The following GULP1 variants were observed in gnomAD, a reference collection of about 807,000 sequenced individuals.
GULP1 encodes GULP PTB domain containing engulfment adaptor 1, also known as PTB domain-containing engulfment adapter protein 1.
Under a neutral mutation model 40.9 loss-of-function variants are expected in GULP1, and 19 were observed. The ratio of observed to expected loss-of-function variants is 0.46; its 90% CI spans 0.32 to 0.68. GULP1 has a LOEUF of 0.68. Ranked by LOEUF, GULP1 falls within the 30% of genes least tolerant of loss-of-function variation. The pLI is 0.03. For missense variants in GULP1, 312 were observed against 362.2 expected, an observed-to-expected ratio of 0.86 and a Z score of 1.12; for synonymous variants, 119 against 117.6, an observed-to-expected ratio of 1.01 and a Z score of -0.08.
chr2:188,304,518 A>G (rs2036704976), intron 1 of GULP1, among the ~76,000 whole-genome samples: 1 of 152,210 alleles, frequency 6.6e-6, no homozygotes, highest in Admixed American at 6.5e-5. Context: ...GGCAATTGGT[A>G]GGATGGGAAG....
At chr2:188,512,941 C>G (rs148268777) in intron 4 of GULP1, among the ~76,000 whole-genome samples, 1 of 152,160 alleles carries the variant, frequency 6.6e-6, no homozygotes, top group East Asian at 1.9e-4. Flanking sequence ...TTTTAAGAGT[C>G]ACCAAGGTAA....
At chr2:188,577,038 C>T (rs1480158668) in intron 9 of GULP1, among the ~76,000 whole-genome samples, 2 of 152,026 alleles carry the variant, frequency 1.3e-5, no homozygotes, top group Non-Finnish European at 2.9e-5. Flanking sequence ...CAAAATGTTC[C>T]TCTTGATTCT....
chr2:188,436,580 A>G (rs1427610173), intron 2 of GULP1, among the ~76,000 whole-genome samples: 1 of 152,118 alleles, frequency 6.6e-6, no homozygotes. Flanking sequence ...CTAAACTGGC[A>G]AACATGGATC....
chr2:188,395,860 G>A (rs1022954215), intron 2 of GULP1, among the ~76,000 whole-genome samples: 3 of 152,220 alleles, frequency 2.0e-5, no homozygotes, highest in Non-Finnish European at 4.4e-5. Flanking sequence ...GCTCTGGTGG[G>A]GGTAGCAGGG....
At chr2:188,505,362 T>C (rs1431096235) in intron 4 of GULP1, among the ~76,000 whole-genome samples, 1 of 151,808 alleles carries the variant, frequency 6.6e-6, no homozygotes, top group Non-Finnish European at 1.5e-5. Context: ...TATGCCACCT[T>C]TCCTCTCTGT....
intron 4 of GULP1, among the ~76,000 whole-genome samples, chr2:188,496,795 G>C (rs114708606): frequency 6.6e-6 from 1 of 151,988 alleles, no homozygotes; most frequent in East Asian, 1.9e-4. Context: ...ATCATGGGGG[G>C]TGGTTTCTCA....
chr2:188,569,104 A>G lies in GULP1; in HGVS notation c.400-135A>G, dbSNP rs1698471196. ...TACCTTGCTCATTTAATACATCTCT[A>G]CTCCCAACTGTTGCCCTTTTGAAGT... On this transcript the variant is annotated intron_variant, in intron 7 of 11. Coordinates refer to ENST00000409830, the MANE Select transcript of GULP1 (RefSeq NM_016315.4). 4 of 602,518 alleles carry G rather than the reference A, an allele frequency of 6.6e-6. No individual in the cohort carries two copies. In the East Asian group the frequency reaches 8.7e-5, roughly 13 times the overall value. The allele number at this position is 602,518 out of a possible 1,614,324, so 37.3% of individuals were successfully genotyped here. A position where few individuals can be genotyped will look rare whatever the true frequency, so the allele number is the denominator to read the frequency against.
chr2:188,535,910 T>G (rs997015839), intron 6 of GULP1, among the ~76,000 whole-genome samples: 1 of 152,160 alleles, frequency 6.6e-6, no homozygotes, highest in African/African-American at 2.4e-5. Context: ...AGATCATATC[T>G]CTTTGTGGTT....
intron 1 of GULP1, among the ~76,000 whole-genome samples, chr2:188,324,794 A>G (rs2040506372): frequency 6.6e-6 from 1 of 151,948 alleles, no homozygotes; most frequent in Non-Finnish European, 1.5e-5. Context: ...ATAAAGATAA[A>G]TCTAAATATA....
At chr2:188,347,564 T>C (rs2043850964) in intron 1 of GULP1, among the ~76,000 whole-genome samples, 1 of 151,840 alleles carries the variant, frequency 6.6e-6, no homozygotes, top group Non-Finnish European at 1.5e-5. Flanking sequence ...GTCATGCTTT[T>C]AATTAGCACA....
chr2:188,323,441 T>C (rs1252328237), intron 1 of GULP1, among the ~76,000 whole-genome samples: 1 of 151,996 alleles, frequency 6.6e-6, no homozygotes, highest in Non-Finnish European at 1.5e-5. Flanking sequence ...GCATGCACAG[T>C]TGCAGTTGGC....
intron 7 of GULP1, among the ~76,000 whole-genome samples, chr2:188,556,751 C>T (rs891799832): frequency 5.3e-5 from 8 of 152,136 alleles, no homozygotes; most frequent in African/African-American, 1.2e-4. Context: ...TCTACTACCA[C>T]GTTGCTGGGC....
At chr2:188,400,885 A>G (rs188775604) in intron 2 of GULP1, among the ~76,000 whole-genome samples, 61 of 151,206 alleles carry the variant, frequency 4.0e-4, no homozygotes, top group African/African-American at 1.4e-3. Context: ...TATGTGGATG[A>G]AAGTTCTAGG....
rs1262848633 is a variant in GULP1, at chr2:188,292,070, C to T, written c.-268C>T. On this transcript the variant is annotated 5_prime_UTR_variant, in exon 1 of 12. Coordinates refer to ENST00000409830, the MANE Select transcript of GULP1 (RefSeq NM_016315.4). The surrounding 1 kb of genome is among the most constrained non-coding windows in gnomAD (Gnocchi z 4.0). ...TTCCCTCTCGGCCTCGGAGACGGCG[C>T]CCCGGCCGTGCCGGAGTGGAGATCG... 1 of 152,300 alleles carries T rather than the reference C, an allele frequency of 6.6e-6. No individual in the cohort carries two copies. The highest frequency in any genetic ancestry group is 1.5e-5 in the Non-Finnish European group (1 of 68,130). 9.4% of individuals were successfully genotyped at this position (152,300 alleles called of 1,614,324 possible).
At chr2:188,320,494 T>G (rs1314910068) in intron 1 of GULP1, among the ~76,000 whole-genome samples, 1 of 152,294 alleles carries the variant, frequency 6.6e-6, no homozygotes, top group Non-Finnish European at 1.5e-5. Context: ...AGTAACCTGG[T>G]ATAAGACCTT....
chr2:188,570,977 T>C (rs975449813), intron 9 of GULP1, among the ~76,000 whole-genome samples: 1 of 152,040 alleles, frequency 6.6e-6, no homozygotes, highest in African/African-American at 2.4e-5. Context: ...GGCAACATGG[T>C]GAAACCTTGT....
At chr2:188,509,720 G>A (rs1229814823) in intron 4 of GULP1, among the ~76,000 whole-genome samples, 2 of 152,070 alleles carry the variant, frequency 1.3e-5, no homozygotes, top group Non-Finnish European at 2.9e-5. Context: ...ATCACTTACA[G>A]CTAGAAAACT....
intron 2 of GULP1, among the ~76,000 whole-genome samples, chr2:188,425,964 G>T (rs1245837938): frequency 1.3e-5 from 2 of 152,102 alleles, no homozygotes; most frequent in African/African-American, 2.4e-5. Context: ...TTTATTCTGA[G>T]CCAAATATGA....
At chr2:188,484,128 G>C (rs868095575) in intron 4 of GULP1, among the ~76,000 whole-genome samples, 1 of 151,904 alleles carries the variant, frequency 6.6e-6, no homozygotes, top group Admixed American at 6.6e-5. Flanking sequence ...TGCTGGTCTC[G>C]AACTCCTGAC....
Sources: gnomAD v4.1 joint callset for allele counts (sites outside exome capture counted in the v4.1 genomes callset) on GRCh38, gnomAD v4.1.1 for gene constraint, Gnocchi (gnomAD v3.1) non-coding constraint, MANE v1.5 for transcripts, NCBI Gene and HGNC (gene_info 2026-07-23, HGNC 2026-07-21) for gene names.